The following MAST2 variants were observed in gnomAD, a reference collection of about 807,000 sequenced individuals.
The protein encoded by MAST2 is microtubule-associated serine/threonine-protein kinase 2.
A neutral mutation model predicts 147.4 loss-of-function variants in MAST2; 70 were observed. The ratio of observed to expected loss-of-function variants is 0.47; its 90% CI spans 0.39 to 0.58. MAST2 has a LOEUF of 0.58. Ranked by LOEUF, MAST2 falls within the 20% of genes least tolerant of loss-of-function variation. MAST2 has a pLI of 0.00. For missense variants in MAST2, 2,080 were observed against 2,302.3 expected, an observed-to-expected ratio of 0.90 and a Z score of 1.98; for synonymous variants, 869 against 896.8, an observed-to-expected ratio of 0.97 and a Z score of 0.55.
intron 4 of MAST2, among the ~76,000 whole-genome samples, chr1:45,900,181 A>AAAAAAAAAAAAAC (rs1649521605): frequency 7.8e-6 from 1 of 127,922 alleles, no homozygotes; most frequent in Admixed American, 7.8e-5. Flanking sequence ...CTCAAAAAAA[A>AAAAAAAAAAAAAC]AAAAAAAAAA....
chr1:46,000,912 C>G, intron 6 of MAST2: 1 of 1,265,310 alleles, frequency 7.9e-7, no homozygotes, highest in Non-Finnish European at 1.0e-6. Flanking sequence ...AGATCACTCT[C>G]TCTGGTTCCT....
At chr1:45,891,611 T>G (rs770116956) in intron 4 of MAST2, among the ~76,000 whole-genome samples, 1 of 152,234 alleles carries the variant, frequency 6.6e-6, no homozygotes, top group Non-Finnish European at 1.5e-5. Flanking sequence ...CATAGTTTTT[T>G]ATTGGAAATA....
At chr1:46,003,330 T>C (rs1645349956) in intron 7 of MAST2, among the ~76,000 whole-genome samples, 1 of 152,214 alleles carries the variant, frequency 6.6e-6, no homozygotes, top group African/African-American at 2.4e-5. Context: ...TGATTGTTAT[T>C]TGATATCCAA....
At chr1:46,003,006 A>C (rs1239700416) in intron 7 of MAST2, 123 bp downstream of exon 7, 1 of 985,976 alleles carries the variant, frequency 1.0e-6, no homozygotes, top group Non-Finnish European at 1.6e-6. Context: ...GAGGTTGCTG[A>C]GAGATGATGT....
intron 4 of MAST2, among the ~76,000 whole-genome samples, chr1:45,903,629 C>T (rs1650178410): frequency 6.6e-6 from 1 of 152,100 alleles, no homozygotes; most frequent in Non-Finnish European, 1.5e-5. Flanking sequence ...ATGTTGATTT[C>T]TAATTTTATT....
At chr1:45,970,508 C>CA (rs1409440754) in intron 5 of MAST2, among the ~76,000 whole-genome samples, 36 of 147,530 alleles carry the variant, frequency 2.4e-4, no homozygotes, top group East Asian at 3.9e-4. Context: ...ACTAAAAATA[C>CA]AAAAAAAAAA....
intron 3 of MAST2, chr1:45,847,002 C>G: frequency 3.2e-6 from 1 of 313,926 alleles, no homozygotes; most frequent in South Asian, 3.0e-5. Flanking sequence ...TTAGGCTAAT[C>G]CAGTCATTTC....
At chr1:45,961,480 A>G (rs1226862113) in intron 5 of MAST2, among the ~76,000 whole-genome samples, 1 of 152,222 alleles carries the variant, frequency 6.6e-6, no homozygotes, top group Non-Finnish European at 1.5e-5. Context: ...TTAGAACTAA[A>G]TCTTCCTACT....
rs1571293187 is a variant in MAST2 at position 46,031,561 on chromosome 1, G to T, written c.3163G>T (p.Ala1055Ser). Residue 1055 changes from alanine (A) to serine (S), a missense_variant, in exon 24 of 29, where the codon GCC becomes TCC. Transcript: ENST00000361297. This position sits in a 1 kb window ranked among gnomAD's most constrained non-coding sequence, Gnocchi z 4.1. The part of the protein sequence containing the change: ...NKVIKSASAT[A>S]LSLLIPSEHH... ...AGTGATCAAGTCCGCCTCAGCCACAGCCCTCTCACTCCTCATTCCTTCGGG... is the reference window on the plus strand; with the variant it reads ...AGTGATCAAGTCCGCCTCAGCCACATCCCTCTCACTCCTCATTCCTTCGGG... 3 of 1,613,694 alleles carry T rather than the reference G, an allele frequency of 1.9e-6. No homozygotes were observed. In the East Asian group the frequency reaches 6.7e-5, roughly 36 times the overall value.
chr1:45,998,852 C>T (rs571936767), intron 6 of MAST2, among the ~76,000 whole-genome samples: 15 of 152,074 alleles, frequency 9.9e-5, no homozygotes, highest in African/African-American at 1.2e-4. Context: ...CTCAGCCTCC[C>T]GAGTAGCTGG....
chr1:45,918,392 G>A (rs890512199), intron 4 of MAST2, among the ~76,000 whole-genome samples: 10 of 152,202 alleles, frequency 6.6e-5, no homozygotes, highest in African/African-American at 2.4e-4. Context: ...GTTAGGTGGT[G>A]AGTATTGGGA....
At chr1:45,948,977 G>A (rs934772018) in intron 4 of MAST2, among the ~76,000 whole-genome samples, 1 of 152,002 alleles carries the variant, frequency 6.6e-6, no homozygotes, top group African/African-American at 2.4e-5. Flanking sequence ...ACAAGCAATG[G>A]GGAAAAGACT....
chr1:45,910,574 A>G (rs1036399668), intron 4 of MAST2, among the ~76,000 whole-genome samples: 65 of 152,206 alleles, frequency 4.3e-4, no homozygotes, highest in Non-Finnish European at 8.2e-4. Flanking sequence ...ATGTTCCTCA[A>G]TTGCTGTGTG....
intron 4 of MAST2, among the ~76,000 whole-genome samples, chr1:45,937,234 C>CT: frequency 6.6e-6 from 1 of 150,650 alleles, no homozygotes; most frequent in African/African-American, 2.4e-5. Context: ...CCATGGGCAG[C>CT]TTTTTTTTTT....
chr1:45,865,191 G>A (rs975627073), intron 3 of MAST2: 3 of 453,242 alleles, frequency 6.6e-6, no homozygotes, highest in Non-Finnish European at 1.3e-5. Context: ...AATGTCTCTT[G>A]TAAATGTACT....
chr1:46,033,989 T>C, intron 27 of MAST2, 51 bp downstream of exon 27: 1 of 1,609,526 alleles, frequency 6.2e-7, no homozygotes, highest in South Asian at 1.1e-5. Context: ...TGAGTGCTGG[T>C]ACGTGGTGGG....
rs773835688 is a variant in MAST2, at chr1:46,023,819, TGAA to T, written c.1625_1627del (p.Lys542del). The T allele has an allele frequency of 4.3e-6, 7 of 1,614,088 alleles. No homozygotes were observed. The highest frequency in any genetic ancestry group is 1.7e-5 in the Admixed American group (1 of 60,018). ...AAGTCCACCCGGCAGCGCTTTGCCA[TGAA>T]GAAGATCAACAAGCAGAACCTGATC... On this transcript the variant is annotated inframe_deletion, in exon 15 of 29. Coordinates refer to ENST00000361297, the MANE Select transcript of MAST2 (RefSeq NM_015112.3). The surrounding 1 kb of genome is among the most constrained non-coding windows in gnomAD (Gnocchi z 4.9).
intron 3 of MAST2, among the ~76,000 whole-genome samples, chr1:45,874,497 C>T (rs1358018883): frequency 6.6e-6 from 1 of 152,212 alleles, no homozygotes; most frequent in Non-Finnish European, 1.5e-5. Context: ...AGAGCATATT[C>T]TTCCCCTAGT....
chr1:45,886,982 C>A (rs1647122067), intron 4 of MAST2, among the ~76,000 whole-genome samples: 1 of 152,166 alleles, frequency 6.6e-6, no homozygotes, highest in Non-Finnish European at 1.5e-5. Context: ...CACCTGCCAC[C>A]ACATCTGGCT....
Sources: gnomAD v4.1 joint callset for allele counts (sites outside exome capture counted in the v4.1 genomes callset) on GRCh38, gnomAD v4.1.1 for gene constraint, Gnocchi (gnomAD v3.1) non-coding constraint, MANE v1.5 for transcripts, NCBI Gene and HGNC (gene_info 2026-07-23, HGNC 2026-07-21) for gene names.